ROR1: variants seen among roughly 807,000 people sequenced by gnomAD.
ROR1 encodes inactive tyrosine-protein kinase transmembrane receptor ROR1.
Under a neutral mutation model 78.8 loss-of-function variants are expected in ROR1, and 19 were observed. The ratio of observed to expected loss-of-function variants is 0.24; its 90% CI spans 0.17 to 0.35. The LOEUF is 0.35. Among genes scored for constraint, ROR1 ranks in the 10% least tolerant of loss-of-function variants. The pLI, the probability that ROR1 is intolerant of heterozygous loss-of-function variation, is 1.00. For missense variants in ROR1, 917 were observed against 1,177.8 expected (o/e 0.78, Z 3.24); for synonymous variants, 386 against 433.6 (o/e 0.89, Z 1.36).
intron 1 of ROR1, among the ~76,000 whole-genome samples, chr1:63,854,676 T>G (rs1009517460): frequency 6.6e-6 from 1 of 152,206 alleles, no homozygotes; most frequent in Non-Finnish European, 1.5e-5. Flanking sequence ...AACATGTCTG[T>G]GCTTAGATAG....
At chr1:63,870,447 C>T (rs1645244526) in intron 1 of ROR1, among the ~76,000 whole-genome samples, 1 of 152,106 alleles carries the variant, frequency 6.6e-6, no homozygotes, top group African/African-American at 2.4e-5. Flanking sequence ...CTTGAGGCAT[C>T]GCCTATTAAA....
At chr1:63,930,073 G>A (rs916872801) in intron 1 of ROR1, among the ~76,000 whole-genome samples, 5 of 152,022 alleles carry the variant, frequency 3.3e-5, no homozygotes, top group South Asian at 4.2e-4. Flanking sequence ...CCATGAACCC[G>A]TCATCTACAT....
intron 1 of ROR1, among the ~76,000 whole-genome samples, chr1:63,816,333 T>C (rs1644892084): frequency 6.6e-6 from 1 of 152,148 alleles, no homozygotes; most frequent in South Asian, 2.1e-4. Context: ...CAGTGGGAGA[T>C]AATTGAATCA....
chr1:63,858,670 G>T lies in ROR1; in HGVS notation c.91+84162G>T, dbSNP rs139548774. The stretch of plus-strand genomic sequence containing the variant: ...TTTCCTTTTGTCTTGTTTAGATGAG[G>T]GTATTTTCTTCACTTCCCTGACCCC... On this transcript the variant is annotated intron_variant, in intron 1 of 8. Transcript: ENST00000371079. Among the ~76,000 whole-genome samples, 841 of 152,148 alleles carry T rather than the reference G, an allele frequency of 5.5e-3. 9 individuals carry two copies. Among genetic ancestry groups the T allele is most frequent in the African/African-American group, 0.019 (800 of 41,522 alleles).
Position 63,912,307 on chromosome 1 carries a change from A to C in ROR1, c.92-96998A>C, listed in dbSNP as rs1042567439. ...AGTGAGACCCTATCTCAAAAAAAAA[A>C]AAAAACAAAAAACAGAAGACATGGT... On this transcript the variant is annotated intron_variant, in intron 1 of 8. Transcript: ENST00000371079. Among the ~76,000 whole-genome samples, 8 of 152,066 alleles carry C rather than the reference A, an allele frequency of 5.3e-5. No homozygotes were observed. The East Asian group carries it at 1.5e-3, about 29-fold the overall frequency.
chr1:63,803,615 A>G (rs1644809343), intron 1 of ROR1, among the ~76,000 whole-genome samples: 1 of 152,214 alleles, frequency 6.6e-6, no homozygotes, highest in African/African-American at 2.4e-5. Context: ...AAATGTGGGG[A>G]TTACAGGCGT....
intron 1 of ROR1, among the ~76,000 whole-genome samples, chr1:63,947,859 C>T (rs1569957921): frequency 2.0e-5 from 3 of 152,294 alleles, no homozygotes; most frequent in African/African-American, 7.2e-5. Flanking sequence ...TTAGGAGACA[C>T]ACAATCTGTC....
chr1:63,843,312 T>C (rs926235453), intron 1 of ROR1: 2 of 1,243,472 alleles, frequency 1.6e-6, no homozygotes, highest in African/African-American at 3.0e-5. Flanking sequence ...CCCTGTCAGC[T>C]TCTTGACGGC....
chr1:63,798,521 C>T (rs2100250343), intron 1 of ROR1, among the ~76,000 whole-genome samples: 2 of 152,232 alleles, frequency 1.3e-5, no homozygotes, highest in Middle Eastern at 6.8e-3. Context: ...AGTCCGCTGC[C>T]ATAGAGAGGA....
At chr1:64,140,780 A>C (rs1291265283) in intron 6 of ROR1, among the ~76,000 whole-genome samples, 2 of 152,236 alleles carry the variant, frequency 1.3e-5, no homozygotes, top group African/African-American at 2.4e-5. Flanking sequence ...ACAATAGCCA[A>C]AAGGTGGAAA....
chr1:63,966,770 A>G (rs1347527327), intron 1 of ROR1, among the ~76,000 whole-genome samples: 2 of 152,142 alleles, frequency 1.3e-5, no homozygotes, highest in Non-Finnish European at 2.9e-5. Flanking sequence ...CTTTCCTTTC[A>G]ACTGAGGGAA....
At chr1:63,828,215 C>T (rs990861463) in intron 1 of ROR1, among the ~76,000 whole-genome samples, 12 of 152,046 alleles carry the variant, frequency 7.9e-5, no homozygotes, top group African/African-American at 1.9e-4. Flanking sequence ...CAATTAGTAG[C>T]GGTTTTTCTA....
At chr1:64,026,123 C>CTTTTTTTTTTTTTTTTTTTTT (rs1646607431) in intron 2 of ROR1, among the ~76,000 whole-genome samples, 1 of 152,140 alleles carries the variant, frequency 6.6e-6, no homozygotes, top group African/African-American at 2.4e-5. Context: ...GTAGGCCTTT[C>CTTTTTTTTTTTTTTTTTTTTT]TTATGTTGAG....
intron 2 of ROR1, among the ~76,000 whole-genome samples, chr1:64,033,174 T>C (rs570666019): frequency 6.6e-6 from 1 of 152,364 alleles, no homozygotes; most frequent in African/African-American, 2.4e-5. Context: ...CTTGGTATAA[T>C]CTGGAATCTC....
chr1:63,776,413 G>A (rs940266598), intron 1 of ROR1, among the ~76,000 whole-genome samples: 1 of 152,176 alleles, frequency 6.6e-6, no homozygotes, highest in South Asian at 2.1e-4. Context: ...CACCCAGTGA[G>A]CAATTCCTGT....
intron 4 of ROR1, among the ~76,000 whole-genome samples, chr1:64,053,494 C>G (rs538044483): frequency 1.3e-5 from 2 of 152,302 alleles, no homozygotes; most frequent in South Asian, 4.1e-4. Context: ...TTTCTTCTGT[C>G]ATTGCTGGGT....
At chr1:63,805,159 C>CA (rs1472286450) in intron 1 of ROR1, among the ~76,000 whole-genome samples, 1 of 152,010 alleles carries the variant, frequency 6.6e-6, no homozygotes, top group African/African-American at 2.4e-5. Context: ...CAAATGGAGC[C>CA]AAAAAAGAGT....
intron 1 of ROR1, among the ~76,000 whole-genome samples, chr1:63,969,593 T>C (rs907654475): frequency 4.6e-5 from 7 of 152,088 alleles, no homozygotes; most frequent in Admixed American, 3.3e-4. Flanking sequence ...TTCTCCTGTG[T>C]TTCCTGTCCC....
chr1:64,140,074 G>A (rs1330381836), intron 5 of ROR1, 35 bp from the exon 6 acceptor site: 1 of 1,590,892 alleles, frequency 6.3e-7, no homozygotes, highest in Non-Finnish European at 8.6e-7. Flanking sequence ...ATAAACCCTG[G>A]CCTCTGGGAG....
Sources: gnomAD v4.1 joint callset for allele counts (sites outside exome capture counted in the v4.1 genomes callset) on GRCh38, gnomAD v4.1.1 for gene constraint, MANE v1.5 for transcripts, NCBI Gene and HGNC (gene_info 2026-07-23, HGNC 2026-07-21) for gene names.